The following GHRH variants were observed in gnomAD, a reference collection of about 807,000 sequenced individuals.
GHRH encodes the protein somatoliberin.
Under a neutral mutation model 15.6 loss-of-function variants are expected in GHRH, and 7 were observed. That is an observed-to-expected ratio of 0.45 (90% CI 0.26 to 0.84). The LOEUF is 0.84. GHRH is among the 40% of genes least tolerant of loss of function. The pLI is 0.18. For synonymous variants in GHRH, 54 were observed against 50.4 expected, an observed-to-expected ratio of 1.07 and a Z score of -0.30; for missense variants, 117 against 138.0, an observed-to-expected ratio of 0.85 and a Z score of 0.76.
In GHRH at chr20:37,254,233, C is replaced by T. The variant is rs751625125; in HGVS notation, c.285G>A (p.Leu95=). 1.2e-6 allele frequency: 2 copies of T among 1,614,106 alleles called. No homozygotes were observed. Among genetic ancestry groups the T allele is most frequent in the Non-Finnish European group, 1.7e-6 (2 of 1,180,036 alleles). Residue 95 remains leucine, a synonymous_variant, in exon 4 of 5, where the codon CTG becomes CTA. Transcript: ENST00000373614. ...EQKQMELESI[L]VALLQKHSRN... is the part of the protein sequence containing the mutation. ...ACCTGTGCTTCTGCAGCAGGGCCAC[C>T]AGGATGCTCTCCAATTCCATTTGCT...
At chr20:37,251,919 G>A (rs1050477178) in intron 4 of GHRH, among the ~76,000 whole-genome samples, 2 of 152,166 alleles carry the variant, frequency 1.3e-5, no homozygotes, top group African/African-American at 4.8e-5. Context: ...AGCAGCCTTC[G>A]GGGCCCTTCC....
At chr20:37,260,023 ACCTGCTTGATTGGC>A (rs2068679408) in intron 1 of GHRH, among the ~76,000 whole-genome samples, 1 of 152,314 alleles carries the variant, frequency 6.6e-6, no homozygotes, top group East Asian at 1.9e-4. Context: ...AAACAGGAAC[ACCTGCTTGATTGGC>A]CCCTCCCTAT....
chr20:37,260,595 A>G (rs1445178670), intron 1 of GHRH, among the ~76,000 whole-genome samples: 1 of 152,176 alleles, frequency 6.6e-6, no homozygotes, highest in Non-Finnish European at 1.5e-5. Context: ...AAAGAATAAA[A>G]TAAAATAGCT....
At chr20:37,256,679 C>T (rs776293065) in intron 2 of GHRH, 128 bp downstream of exon 2, 21 of 793,612 alleles carry the variant, frequency 2.6e-5, no homozygotes, top group East Asian at 2.1e-4. Flanking sequence ...TCTGCAAGGA[C>T]GGGCAGTGGG....
chr20:37,255,092 A>G (rs2068647285), intron 3 of GHRH, among the ~76,000 whole-genome samples: 1 of 152,194 alleles, frequency 6.6e-6, no homozygotes, highest in Admixed American at 6.5e-5. Flanking sequence ...GATGACTGCA[A>G]TTTACTCTCC....
intron 2 of GHRH, 30 bp from the exon 3 acceptor site, chr20:37,256,528 C>A (rs367766804): frequency 2.1e-6 from 3 of 1,436,248 alleles, no homozygotes; most frequent in African/African-American, 2.8e-5. Context: ...GGTCAGAGGG[C>A]GGGGTGGAGG....
At chr20:37,251,531 A>C (rs1453057054) in intron 4 of GHRH, among the ~76,000 whole-genome samples, 1 of 151,828 alleles carries the variant, frequency 6.6e-6, no homozygotes, top group Admixed American at 6.6e-5. Flanking sequence ...CCTCACCATC[A>C]CCACTCCCCA....
intron 2 of GHRH, 152 bp downstream of exon 2, chr20:37,256,655 C>T: frequency 1.4e-6 from 1 of 730,016 alleles, no homozygotes; most frequent in Non-Finnish European, 2.3e-6. Context: ...CTCTGTGAAG[C>T]TGTGTCTGCC....
At chr20:37,256,362 T>C (rs1226490928) in intron 3 of GHRH, 32 bp downstream of exon 3, 2 of 1,389,980 alleles carry the variant, frequency 1.4e-6, no homozygotes, top group Non-Finnish European at 2.0e-6. Context: ...TGCTGCAGGG[T>C]GTGGGAAGAA....
chr20:37,258,738 G>A lies in GHRH; in HGVS notation c.-19-1830C>T, dbSNP rs1325646070. On this transcript the variant is annotated intron_variant, in intron 1 of 4. Coordinates refer to ENST00000373614, the MANE Select transcript of GHRH (RefSeq NM_021081.6). This position sits in a 1 kb window ranked among gnomAD's most constrained non-coding sequence, Gnocchi z 4.1. Reference sequence around the variant, plus strand: ...AGGCCCGGGAGCTTATTTCCAGATGGTTCTTTATTTATTTATTTTGAGAGC... The same window carrying A: ...AGGCCCGGGAGCTTATTTCCAGATGATTCTTTATTTATTTATTTTGAGAGC... 6.6e-6 allele frequency among the ~76,000 whole-genome samples: 1 copy of A among 152,080 alleles called. No homozygotes were observed. The highest frequency in any genetic ancestry group is 2.4e-5 in the African/African-American group (1 of 41,408).
intron 1 of GHRH, among the ~76,000 whole-genome samples, chr20:37,257,813 T>A (rs1385382799): frequency 6.6e-6 from 1 of 152,210 alleles, no homozygotes; most frequent in Non-Finnish European, 1.5e-5. Flanking sequence ...CCTGGAAGGA[T>A]CTGGTGAGGT....
chr20:37,252,981 G>A (rs1295660939), intron 4 of GHRH, among the ~76,000 whole-genome samples: 5 of 152,212 alleles, frequency 3.3e-5, no homozygotes, highest in South Asian at 4.1e-4. Context: ...GCAGTGAGCC[G>A]AGATCACGCC....
chr20:37,256,703 C>A, intron 2 of GHRH, 104 bp downstream of exon 2: 1 of 930,654 alleles, frequency 1.1e-6, no homozygotes, highest in Non-Finnish European at 1.7e-6. Context: ...TGCCTGGAGA[C>A]ATAGCCAGGG....
chr20:37,258,279 G>A lies in GHRH; in HGVS notation c.-19-1371C>T, dbSNP rs1050469254. ...TCTCAGCAGGATGTCTACTCCATGG[G>A]GGTGTAGATCCATCCAGAAGCCCAG... On this transcript the variant is annotated intron_variant, in intron 1 of 4. Coordinates refer to ENST00000373614, the MANE Select transcript of GHRH (RefSeq NM_021081.6). This position sits in a 1 kb window ranked among gnomAD's most constrained non-coding sequence, Gnocchi z 4.1. Among the ~76,000 whole-genome samples the A allele has an allele frequency of 6.6e-6, 1 of 152,146 alleles. No homozygotes were observed. The highest frequency in any genetic ancestry group is 6.5e-5 in the Admixed American group (1 of 15,284).
chr20:37,256,163 G>A (rs974187932), intron 3 of GHRH, among the ~76,000 whole-genome samples: 3 of 152,226 alleles, frequency 2.0e-5, no homozygotes, highest in Admixed American at 1.3e-4. Flanking sequence ...ATGATTAAAT[G>A]GTAACTACTA....
rs919437252 is a variant in GHRH, at chr20:37,258,644, T to C, written c.-19-1736A>G. Among the ~76,000 whole-genome samples the C allele has an allele frequency of 6.6e-6, 1 of 152,200 alleles. No individual in the cohort carries two copies. Among genetic ancestry groups the C allele is most frequent in the Non-Finnish European group, 1.5e-5 (1 of 68,008 alleles). The stretch of plus-strand genomic sequence containing the variant: ...ATGAGCATCCCCACAACACGCACAC[T>C]GGCTGTCCTCCACTTCCTGCTCGAG... On this transcript the variant is annotated intron_variant, in intron 1 of 4. Coordinates refer to ENST00000373614, the MANE Select transcript of GHRH (RefSeq NM_021081.6). This position sits in a 1 kb window ranked among gnomAD's most constrained non-coding sequence, Gnocchi z 4.1.
intron 4 of GHRH, among the ~76,000 whole-genome samples, chr20:37,252,298 C>T (rs748123786): frequency 3.9e-5 from 6 of 152,108 alleles, no homozygotes; most frequent in South Asian, 4.1e-4. Flanking sequence ...TGTCATCTGC[C>T]GTAGGCCTGG....
At chr20:37,256,544 C>T (rs762286181) in intron 2 of GHRH, 46 bp from the exon 3 acceptor site, 10 of 1,234,178 alleles carry the variant, frequency 8.1e-6, no homozygotes, top group Middle Eastern at 2.0e-4. Flanking sequence ...GGAGGCCAGG[C>T]GAGAGGACAG....
chr20:37,261,459 G>A (rs934257694), intron 1 of GHRH, among the ~76,000 whole-genome samples: 13 of 152,284 alleles, frequency 8.5e-5, no homozygotes, highest in Middle Eastern at 3.4e-3. Context: ...GCCTGCCCAC[G>A]CATCCTCGAA....
Sources: allele counts gnomAD v4.1 joint callset (sites outside exome capture counted in the v4.1 genomes callset), GRCh38; gene constraint gnomAD v4.1.1; non-coding constraint Gnocchi (gnomAD v3.1); transcripts MANE v1.5; gene names NCBI Gene and HGNC (gene_info 2026-07-23, HGNC 2026-07-21).